The following FGD6 variants were observed in gnomAD, a reference collection of about 807,000 sequenced individuals.
FGD6 encodes the protein FYVE, RhoGEF and PH domain-containing protein 6.
Under a neutral mutation model 149.4 loss-of-function variants are expected in FGD6, and 90 were observed. The ratio of observed to expected loss-of-function variants is 0.60; its 90% confidence interval spans 0.51 to 0.72. FGD6 has a LOEUF of 0.72. Ranked by LOEUF, FGD6 falls within the 30% of genes least tolerant of loss-of-function variation. The pLI, the probability that FGD6 is intolerant of heterozygous loss-of-function variation, is 0.00. For missense variants in FGD6, 1,437 were observed against 1,684.8 expected, an observed-to-expected ratio of 0.85 and a Z score of 2.57; for synonymous variants, 527 against 584.0, an observed-to-expected ratio of 0.90 and a Z score of 1.41.
At chr12:95,087,054 G>T (rs1877904458) in intron 18 of FGD6, among the ~76,000 whole-genome samples, 1 of 150,214 alleles carries the variant, frequency 6.7e-6, no homozygotes, top group Admixed American at 6.6e-5. Context: ...CGCCATGTTG[G>T]CCAGGTTGGT....
At chr12:95,208,761 TCCCCCTGCA>T in intron 2 of FGD6, 73 bp downstream of exon 2, 2 of 1,472,778 alleles carry the variant, frequency 1.4e-6, no homozygotes, top group African/African-American at 1.4e-5. Context: ...GTGTTTTTTT[TCCCCCTGCA>T]TTCCTAACTC....
chr12:95,136,498 G>A (rs1175497757), intron 7 of FGD6, among the ~76,000 whole-genome samples: 1 of 152,190 alleles, frequency 6.6e-6, no homozygotes, highest in Non-Finnish European at 1.5e-5. Flanking sequence ...ACTCCAAACT[G>A]ATGGAGGGGA....
intron 2 of FGD6, among the ~76,000 whole-genome samples, chr12:95,195,585 TTTTAA>T (rs1159342751): frequency 6.6e-6 from 1 of 150,618 alleles, no homozygotes; most frequent in East Asian, 2.0e-4. Context: ...TGTGGGTAGA[TTTTAA>T]TTTAATTTGA....
intron 3 of FGD6, among the ~76,000 whole-genome samples, chr12:95,160,184 T>A (rs1455000098): frequency 6.6e-6 from 1 of 151,956 alleles, no homozygotes; most frequent in African/African-American, 2.4e-5. Flanking sequence ...ATTTCTATTT[T>A]TTTTTTAATT....
intron 7 of FGD6, 150 bp from the exon 8 acceptor site, chr12:95,134,976 T>C: frequency 1.6e-6 from 1 of 614,346 alleles, no homozygotes; most frequent in Non-Finnish European, 2.8e-6. Context: ...GTACAGCTGT[T>C]AGATACACTG....
rs180814789 is a variant in FGD6, at chr12:95,146,800, A to T, written c.2686-5261T>A. Among the ~76,000 whole-genome samples the T allele has an allele frequency of 1.8e-4, 27 of 152,314 alleles. 1 individual carries two copies. The East Asian group carries it at 5.0e-3, about 28-fold the overall frequency. On this transcript the variant is annotated intron_variant, in intron 5 of 20. Transcript: ENST00000343958. ...TACAAATCAGAATCAGATTAACTTT[A>T]AGTTGATCTTTAATTCTTTTGAGAT...
chr12:95,152,884 T>A, intron 4 of FGD6, 42 bp downstream of exon 4: 1 of 1,613,516 alleles, frequency 6.2e-7, no homozygotes. Context: ...AATGTGCCAA[T>A]GGGGGGAAAA....
intron 5 of FGD6, among the ~76,000 whole-genome samples, chr12:95,142,574 G>A (rs1879884106): frequency 6.6e-6 from 1 of 152,172 alleles, no homozygotes. Context: ...CACCGTGCCT[G>A]GCAGGCACAT....
intron 3 of FGD6, among the ~76,000 whole-genome samples, chr12:95,161,583 G>A (rs1880644052): frequency 6.6e-6 from 1 of 152,130 alleles, no homozygotes; most frequent in Non-Finnish European, 1.5e-5. Flanking sequence ...CCTCAAATTT[G>A]ACCCAAATAA....
chr12:95,138,973 C>A (rs1420857975), intron 6 of FGD6, among the ~76,000 whole-genome samples: 3 of 78,640 alleles, frequency 3.8e-5, no homozygotes, highest in African/African-American at 1.4e-4. Context: ...ATATCCTCTG[C>A]ATACTTAAGA....
chr12:95,176,722 A>G (rs1015058531), intron 2 of FGD6, among the ~76,000 whole-genome samples: 1 of 152,236 alleles, frequency 6.6e-6, no homozygotes, highest in African/African-American at 2.4e-5. Context: ...ATATATTTAC[A>G]GCACACCTCC....
chr12:95,131,938 G>T (rs143349505), intron 8 of FGD6, among the ~76,000 whole-genome samples: 1 of 152,160 alleles, frequency 6.6e-6, no homozygotes, highest in Admixed American at 6.5e-5. Context: ...TACTTGGGAG[G>T]CTGAGGAGGG....
At chr12:95,124,017 G>T (rs778579431) in intron 8 of FGD6, among the ~76,000 whole-genome samples, 1 of 151,540 alleles carries the variant, frequency 6.6e-6, no homozygotes, top group Non-Finnish European at 1.5e-5. Flanking sequence ...GGACTCAAGC[G>T]ATACTCCTGT....
At chr12:95,158,637 G>A (rs776293917) in intron 3 of FGD6, among the ~76,000 whole-genome samples, 2 of 151,950 alleles carry the variant, frequency 1.3e-5, no homozygotes, top group Non-Finnish European at 2.9e-5. Context: ...ACATATTTTA[G>A]CAAGTCCAAA....
chr12:95,078,194 G>C lies in FGD6; in HGVS notation c.*3326C>G, dbSNP rs1877556475. 6.6e-6 allele frequency: 1 copy of C among 152,120 alleles called. No homozygotes were observed. Among genetic ancestry groups the C allele is most frequent in the Admixed American group, 6.5e-5 (1 of 15,276 alleles). The allele number at this position is 152,120 out of a possible 1,614,324, so 9.4% of individuals were successfully genotyped here. A position where few individuals can be genotyped will look rare whatever the true frequency, so the allele number is the denominator to read the frequency against. On this transcript the variant is annotated 3_prime_UTR_variant, in exon 21 of 21. Coordinates refer to ENST00000343958, the MANE Select transcript of FGD6 (RefSeq NM_018351.4). ...GTCTCTTAAAAACTAAAAAGACCTAGGGCAGTATTATGGAAGACAGTGATA... is the reference window on the plus strand; with the variant it reads ...GTCTCTTAAAAACTAAAAAGACCTACGGCAGTATTATGGAAGACAGTGATA...
intron 2 of FGD6, among the ~76,000 whole-genome samples, chr12:95,182,256 G>A (rs1157152853): frequency 6.9e-6 from 1 of 145,606 alleles, no homozygotes; most frequent in Admixed American, 7.0e-5. Flanking sequence ...AAGCTGGAGT[G>A]TAGTGGCATG....
chr12:95,187,781 G>T (rs1046682754), intron 2 of FGD6, among the ~76,000 whole-genome samples: 4 of 152,176 alleles, frequency 2.6e-5, no homozygotes, highest in Non-Finnish European at 5.9e-5. Context: ...GTGAGCCACG[G>T]TTTTGCAGCA....
rs369097630 is a variant in FGD6, at chr12:95,210,100, T to C, written c.1184A>G (p.Gln395Arg). The C allele has an allele frequency of 1.2e-6, 2 of 1,614,110 alleles. No individual in the cohort carries two copies. The highest frequency in any genetic ancestry group is 1.7e-6 in the Non-Finnish European group (2 of 1,180,050). ...ELNMESNSDAQDLVNSQKAMC... is the reference protein window; with the variant it reads ...ELNMESNSDARDLVNSQKAMC... ...GGCTTTCTGTGAATTGACTAAGTCC[T>C]GTGCATCACTGTTGGATTCCATATT... Residue 395 changes from glutamine (Q) to arginine (R), a missense_variant, in exon 2 of 21, where the codon CAG (glutamine) becomes CGG (arginine). By Grantham distance (43) the Gln-to-Arg change is conservative. This residue lies in a region of FGD6 where 1,055 missense variants were observed against 1,146.0 expected (regional missense o/e 0.92). Transcript: ENST00000343958.
intron 1 of FGD6, among the ~76,000 whole-genome samples, chr12:95,212,467 C>A (rs898087504): frequency 6.6e-6 from 1 of 152,176 alleles, no homozygotes; most frequent in Admixed American, 6.5e-5. Context: ...ACACAACAGA[C>A]CTATAAAGCG....
Sources: allele counts gnomAD v4.1 joint callset (sites outside exome capture counted in the v4.1 genomes callset), GRCh38; gene constraint gnomAD v4.1.1; regional missense constraint gnomAD v4.1.1; transcripts MANE v1.5; gene names NCBI Gene and HGNC (gene_info 2026-07-23, HGNC 2026-07-21).